WDFY4: variants seen among roughly 807,000 people sequenced by gnomAD.
The protein encoded by WDFY4 is WDFY family member 4, also known as WD repeat- and FYVE domain-containing protein 4.
WDFY4 carries 169 observed loss-of-function variants against 351.9 expected under a neutral mutation model. That is an observed-to-expected ratio of 0.48 (90% confidence interval 0.42 to 0.55). The LOEUF (loss-of-function observed/expected upper bound fraction) is 0.55, where lower values mean the gene tolerates loss of function less well. Among genes scored for constraint, WDFY4 ranks in the 20% least tolerant of loss-of-function variants. The probability of loss-of-function intolerance (pLI) is 0.00; values close to 1 mark genes in which losing one functional copy is unlikely to be tolerated. For missense variants in WDFY4, 3,803 were observed against 3,935.6 expected (o/e 0.97, Z 0.90); for synonymous variants, 1,622 against 1,574.6 (o/e 1.03, Z -0.71).
intron 32 of WDFY4, among the ~76,000 whole-genome samples, chr10:48,817,760 G>A (rs534277551): frequency 1.3e-5 from 2 of 152,334 alleles, no homozygotes; most frequent in African/African-American, 4.8e-5. Flanking sequence ...ATGGGGGAGG[G>A]CAGTCCTGGG....
chr10:48,729,730 T>C, intron 8 of WDFY4, 141 bp downstream of exon 8: 2 of 1,139,722 alleles, frequency 1.8e-6, no homozygotes, highest in Non-Finnish European at 2.4e-6. Flanking sequence ...GGGGAGGTTA[T>C]GAATATCTCC....
rs182189905 is a variant in WDFY4, at chr10:48,813,656, T to C, written c.5215-301T>C. On this transcript the variant is annotated intron_variant, in intron 30 of 61. Transcript: ENST00000325239. The stretch of plus-strand genomic sequence containing the variant: ...CTTTGAATTCTTTATATGTCTTATA[T>C]AATCTAATTTACAAAAGTTAATTAA... Among the ~76,000 whole-genome samples, 10 of 152,230 alleles carry C rather than the reference T, an allele frequency of 6.6e-5. 1 individual carries two copies. The highest frequency in any genetic ancestry group is 5.9e-4 in the Admixed American group (9 of 15,284).
intron 47 of WDFY4, among the ~76,000 whole-genome samples, chr10:48,905,424 C>A (rs1589844786): frequency 6.6e-6 from 1 of 152,332 alleles, no homozygotes. Context: ...TGATGACCTG[C>A]AATGCCAACC....
intron 51 of WDFY4, among the ~76,000 whole-genome samples, chr10:48,954,923 G>A (rs534632925): frequency 6.6e-6 from 1 of 152,218 alleles, no homozygotes; most frequent in South Asian, 2.1e-4. Flanking sequence ...TTTCTTTGTG[G>A]TAATATCTTT....
chr10:48,787,807 C>CTCCTCT (rs796166984), intron 20 of WDFY4, among the ~76,000 whole-genome samples: 3,920 of 76,728 alleles, frequency 0.051, 453 homozygotes, highest in South Asian at 0.1. Context: ...CCTCCTCCTC[C>CTCCTCT]TCTTCTTCTT....
intron 1 of WDFY4, among the ~76,000 whole-genome samples, chr10:48,703,761 C>T (rs1269625459): frequency 1.3e-5 from 2 of 152,252 alleles, no homozygotes; most frequent in Admixed American, 1.3e-4. Context: ...GCCCAAATAT[C>T]AGCAACCCAG....
At chr10:48,852,292 T>A (rs1168878627) in intron 39 of WDFY4, among the ~76,000 whole-genome samples, 1 of 152,208 alleles carries the variant, frequency 6.6e-6, no homozygotes, top group Admixed American at 6.5e-5. Flanking sequence ...ACTCTGCCAC[T>A]TCCTGTATTG....
At chr10:48,742,296 C>G (rs1289411011) in intron 11 of WDFY4, among the ~76,000 whole-genome samples, 2 of 152,160 alleles carry the variant, frequency 1.3e-5, no homozygotes, top group Non-Finnish European at 2.9e-5. Context: ...GCATTTCATT[C>G]CATTGCAGGT....
rs577040778 is a variant in WDFY4, at chr10:48,821,184, G to C, written c.5824+8G>C. 7 of 1,544,748 alleles carry C rather than the reference G, an allele frequency of 4.5e-6. No individual in the cohort carries two copies. The African/African-American group carries it at 6.8e-5, about 15-fold the overall frequency. Reference sequence around the variant, plus strand: ...ATGCAGCGATGTTCAGAGGTGAGTGGGGCAACTCGGTCCCCTCCATTCATG... The same window carrying C: ...ATGCAGCGATGTTCAGAGGTGAGTGCGGCAACTCGGTCCCCTCCATTCATG... On this transcript the variant is annotated splice_region_variant and intron_variant, in intron 34 of 61. Coordinates refer to ENST00000325239, the MANE Select transcript of WDFY4 (RefSeq NM_001394531.1).
At chr10:48,857,818 G>A (rs2069190193) in intron 39 of WDFY4, among the ~76,000 whole-genome samples, 1 of 151,420 alleles carries the variant, frequency 6.6e-6, no homozygotes, top group African/African-American at 2.4e-5. Flanking sequence ...TTTTGATGGA[G>A]TTTTGCTCTT....
chr10:48,917,286 C>G (rs987627696), intron 47 of WDFY4, among the ~76,000 whole-genome samples: 2 of 152,130 alleles, frequency 1.3e-5, no homozygotes, highest in Admixed American at 1.3e-4. Context: ...TATACTTACA[C>G]CTGTATCTCA....
chr10:48,700,521 C>T (rs780050694), intron 1 of WDFY4, among the ~76,000 whole-genome samples: 11 of 152,252 alleles, frequency 7.2e-5, no homozygotes, highest in Non-Finnish European at 1.5e-4. Flanking sequence ...CTGTAATTGG[C>T]GTCCCATAAT....
At chr10:48,746,791 A>C (rs1378779294) in intron 12 of WDFY4, among the ~76,000 whole-genome samples, 1 of 152,164 alleles carries the variant, frequency 6.6e-6, no homozygotes, top group Non-Finnish European at 1.5e-5. Flanking sequence ...TATCCTTCCA[A>C]TTAAGACACC....
chr10:48,971,060 G>A (rs940971639), intron 57 of WDFY4, among the ~76,000 whole-genome samples: 9 of 152,090 alleles, frequency 5.9e-5, no homozygotes, highest in East Asian at 1.9e-4. Flanking sequence ...TTGAATCTAG[G>A]TTTGTCTAAC....
At position 48,787,804 on chromosome 10, in the gene WDFY4, CTCCTCTTCTTCTTCTTCT is replaced by C. The variant is rs1248122034; in HGVS notation, c.3809-723_3809-706del. Among the ~76,000 whole-genome samples, 37 of 70,754 alleles carry C rather than the reference CTCCTCTTCTTCTTCTTCT, an allele frequency of 5.2e-4. 2 individuals are homozygous for C. The highest frequency in any genetic ancestry group is 6.5e-4 in the Non-Finnish European group (25 of 38,330). The allele number at this position is 70,754 out of a possible 152,430, so 46.4% of individuals were successfully genotyped here. On this transcript the variant is annotated intron_variant, in intron 20 of 61. Coordinates refer to ENST00000325239, the MANE Select transcript of WDFY4 (RefSeq NM_001394531.1). ...CTTCCTCTTCCTCCTCCTCCTCCTC[CTCCTCTTCTTCTTCTTCT>C]TCTTCTTCTTCTTCTTCTTCTTCTT...
chr10:48,755,928 C>G (rs2065323190), intron 12 of WDFY4, among the ~76,000 whole-genome samples: 1 of 152,042 alleles, frequency 6.6e-6, no homozygotes, highest in Non-Finnish European at 1.5e-5. Context: ...ATTAGGGATA[C>G]TGACATGCAG....
chr10:48,798,430 T>C (rs1161297743), intron 24 of WDFY4, among the ~76,000 whole-genome samples: 2 of 151,598 alleles, frequency 1.3e-5, no homozygotes, highest in Admixed American at 6.6e-5. Context: ...AAATAAATAA[T>C]ATTAGGAAGG....
chr10:48,771,042 G>C (rs1249883521), intron 13 of WDFY4, among the ~76,000 whole-genome samples: 3 of 152,232 alleles, frequency 2.0e-5, no homozygotes, highest in African/African-American at 4.8e-5. Context: ...AGATGTCTTA[G>C]AGATGGGGAT....
At chr10:48,958,070 T>C (rs1841689735) in intron 52 of WDFY4, among the ~76,000 whole-genome samples, 1 of 152,190 alleles carries the variant, frequency 6.6e-6, no homozygotes, top group African/African-American at 2.4e-5. Context: ...GTGTTCTCCT[T>C]CTGCCTCCGG....
Sources: gnomAD v4.1 joint callset for allele counts (sites outside exome capture counted in the v4.1 genomes callset) on GRCh38, gnomAD v4.1.1 for gene constraint, MANE v1.5 for transcripts, NCBI Gene and HGNC (gene_info 2026-07-23, HGNC 2026-07-21) for gene names.